AUH: variants seen among roughly 807,000 people sequenced by gnomAD.
The protein encoded by AUH is methylglutaconyl-CoA hydratase, mitochondrial.
A neutral mutation model predicts 42.3 loss-of-function variants in AUH; 29 were observed. The observed-to-expected ratio is 0.69, with a 90% CI of 0.51 to 0.93. The LOEUF (loss-of-function observed/expected upper bound fraction) is 0.93. Among genes scored for constraint, AUH ranks in the 40% least tolerant of loss-of-function variants. The pLI, the probability that AUH is intolerant of heterozygous loss-of-function variation, is 0.00. For synonymous variants in AUH, 174 were observed against 166.4 expected, an observed-to-expected ratio of 1.05 and a Z score of -0.35; for missense variants, 452 against 438.1, an observed-to-expected ratio of 1.03 and a Z score of -0.28.
intron 4 of AUH, among the ~76,000 whole-genome samples, chr9:91,307,052 G>A (rs1339601491): frequency 6.6e-6 from 1 of 152,136 alleles, no homozygotes; most frequent in Non-Finnish European, 1.5e-5. Context: ...AGTGATACAA[G>A]TTCAGTAATT....
chr9:91,348,190 G>T (rs1831684049), intron 3 of AUH, among the ~76,000 whole-genome samples: 1 of 152,090 alleles, frequency 6.6e-6, no homozygotes, highest in Non-Finnish European at 1.5e-5. Flanking sequence ...CATATGAAAT[G>T]TAAACTAAAA....
chr9:91,215,543 A>G (rs944009104), intron 9 of AUH, among the ~76,000 whole-genome samples: 2 of 152,062 alleles, frequency 1.3e-5, no homozygotes, highest in Admixed American at 1.3e-4. Context: ...TTTCCTGAAT[A>G]TTTTCAATTT....
intron 6 of AUH, among the ~76,000 whole-genome samples, chr9:91,250,633 T>C (rs1252450721): frequency 1.3e-5 from 2 of 152,258 alleles, no homozygotes; most frequent in African/African-American, 4.8e-5. Context: ...CCGTATTTTA[T>C]TGCTCAGGCA....
chr9:91,222,138 G>C (rs1587624637), intron 6 of AUH, among the ~76,000 whole-genome samples: 1 of 151,948 alleles, frequency 6.6e-6, no homozygotes, highest in African/African-American at 2.4e-5. Context: ...TTTAAAACTA[G>C]ATGAGTGATT....
At chr9:91,223,445 A>G (rs931087401) in intron 6 of AUH, among the ~76,000 whole-genome samples, 1 of 152,156 alleles carries the variant, frequency 6.6e-6, no homozygotes, top group African/African-American at 2.4e-5. Context: ...GTACGTATAT[A>G]CCACATTTTG....
chr9:91,361,536 C>G, intron 1 of AUH, 92 bp downstream of exon 1: 1 of 1,504,336 alleles, frequency 6.6e-7, no homozygotes, highest in Non-Finnish European at 8.9e-7. Flanking sequence ...GACCTCGACC[C>G]CGCGTCCTGC....
intron 3 of AUH, among the ~76,000 whole-genome samples, chr9:91,339,881 C>A (rs958419300): frequency 2.6e-5 from 4 of 152,132 alleles, no homozygotes; most frequent in African/African-American, 4.8e-5. Flanking sequence ...GGCAGGGGTA[C>A]CCCAACAAAG....
In AUH at chr9:91,246,748, G is replaced by A. The variant is rs2131365531; in HGVS notation, c.656-25756C>T. On this transcript the variant is annotated intron_variant, in intron 6 of 9. Transcript: ENST00000375731. ...TAGAAGCTAAGCAAATAAACGTTAAGAGAATAGGCATAAAGGATAAATGAC... is the reference window on the plus strand; with the variant it reads ...TAGAAGCTAAGCAAATAAACGTTAAAAGAATAGGCATAAAGGATAAATGAC... 2.0e-5 allele frequency among the ~76,000 whole-genome samples: 3 copies of A among 152,354 alleles called. No homozygotes were observed. The South Asian group carries it at 6.2e-4, about 32-fold the overall frequency.
At chr9:91,349,711 AGAGAGAGGGAGAGG>A (rs1220996252) in intron 3 of AUH, among the ~76,000 whole-genome samples, 1 of 151,968 alleles carries the variant, frequency 6.6e-6, no homozygotes, top group Non-Finnish European at 1.5e-5. Flanking sequence ...CACAGAGAGA[AGAGAGAGGGAGAGG>A]GAGAGAGAGA....
intron 6 of AUH, among the ~76,000 whole-genome samples, chr9:91,270,586 A>C (rs893003005): frequency 2.6e-5 from 4 of 152,118 alleles, no homozygotes; most frequent in African/African-American, 9.7e-5. Context: ...TGTAAGACTC[A>C]AAGTAGACAC....
intron 5 of AUH, among the ~76,000 whole-genome samples, chr9:91,296,685 T>C (rs1032547369): frequency 3.3e-5 from 5 of 152,248 alleles, no homozygotes; most frequent in African/African-American, 1.2e-4. Flanking sequence ...AAAACCTGTA[T>C]TCTTTCAGAA....
intron 6 of AUH, among the ~76,000 whole-genome samples, chr9:91,232,251 A>G (rs1322869434): frequency 2.6e-5 from 4 of 152,138 alleles, no homozygotes; most frequent in Non-Finnish European, 5.9e-5. Flanking sequence ...TCAGCCAGGC[A>G]TCGCATGCTG....
chr9:91,247,643 T>C (rs191963298), intron 6 of AUH, among the ~76,000 whole-genome samples: 10 of 152,322 alleles, frequency 6.6e-5, no homozygotes, highest in Admixed American at 3.9e-4. Context: ...AATGCTAGCA[T>C]TGGTGAAAGT....
At chr9:91,349,662 T>G (rs751808372) in intron 3 of AUH, among the ~76,000 whole-genome samples, 2 of 144,930 alleles carry the variant, frequency 1.4e-5, no homozygotes, top group Non-Finnish European at 3.0e-5. Context: ...GGTGTGTGTA[T>G]GTAAGGCAGA....
At chr9:91,221,542 G>C (rs1827136052) in intron 6 of AUH, among the ~76,000 whole-genome samples, 2 of 152,174 alleles carry the variant, frequency 1.3e-5, no homozygotes, top group Non-Finnish European at 1.5e-5. Flanking sequence ...CTCAGTGCAA[G>C]TCCTGGTCAT....
At chr9:91,339,395 T>A (rs1371152810) in intron 3 of AUH, among the ~76,000 whole-genome samples, 2 of 152,208 alleles carry the variant, frequency 1.3e-5, no homozygotes, top group Non-Finnish European at 2.9e-5. Flanking sequence ...TCAGCAACTC[T>A]GAAATTACTT....
chr9:91,220,658 ACTGCTCTAGTTTTACAGAGC>A, intron 7 of AUH, 127 bp downstream of exon 7: 1 of 752,586 alleles, frequency 1.3e-6, no homozygotes, highest in South Asian at 1.8e-5. Flanking sequence ...ATCTTGTGTA[ACTGCTCTAGTTTTACAGAGC>A]CCACGCATCC....
chr9:91,291,586 A>ATGTTTTGG (rs1826892902), intron 6 of AUH, among the ~76,000 whole-genome samples: 1 of 152,224 alleles, frequency 6.6e-6, no homozygotes, highest in Non-Finnish European at 1.5e-5. Flanking sequence ...TATATATTAA[A>ATGTTTTGG]TGTTTTGGCC....
intron 3 of AUH, among the ~76,000 whole-genome samples, chr9:91,333,401 A>G (rs1192384960): frequency 1.3e-5 from 2 of 152,202 alleles, no homozygotes; most frequent in Non-Finnish European, 2.9e-5. Context: ...AATTCCCTAT[A>G]AAGTGCCAAG....
Sources: allele counts gnomAD v4.1 joint callset (sites outside exome capture counted in the v4.1 genomes callset), GRCh38; gene constraint gnomAD v4.1.1; transcripts MANE v1.5; gene names NCBI Gene and HGNC (gene_info 2026-07-23, HGNC 2026-07-21).